ATP2B1: variants seen among roughly 807,000 people sequenced by gnomAD.
ATP2B1 encodes the protein plasma membrane calcium-transporting ATPase 1.
In ATP2B1, 14 loss-of-function variants were observed where a neutral mutation model predicts 124.2. That is an observed-to-expected ratio of 0.11 (90% confidence interval 0.07 to 0.18). The LOEUF is 0.18. Ranked by LOEUF, ATP2B1 falls within the 10% of genes least tolerant of loss-of-function variation. The pLI is 1.00. For synonymous variants in ATP2B1, 449 were observed against 492.4 expected (o/e 0.91, Z 1.17); for missense variants, 763 against 1,466.1 (o/e 0.52, Z 7.83).
intron 1 of ATP2B1, among the ~76,000 whole-genome samples, chr12:89,661,780 C>T (rs937463268): frequency 6.6e-6 from 1 of 152,080 alleles, no homozygotes; most frequent in Non-Finnish European, 1.5e-5. Context: ...AACACAAAAT[C>T]AATTCCACTT....
intron 8 of ATP2B1, among the ~76,000 whole-genome samples, chr12:89,626,180 T>G (rs1880845533): frequency 6.6e-6 from 1 of 152,230 alleles, no homozygotes; most frequent in Non-Finnish European, 1.5e-5. Flanking sequence ...CAGGTTGCCT[T>G]TTCTCCACTT....
intron 3 of ATP2B1, among the ~76,000 whole-genome samples, chr12:89,636,590 T>C (rs1406347667): frequency 6.6e-6 from 1 of 152,106 alleles, no homozygotes; most frequent in Admixed American, 6.5e-5. Flanking sequence ...TAAATGACAC[T>C]AGAAATGACT....
chr12:89,695,089 T>C (rs1593000361), intron 1 of ATP2B1, among the ~76,000 whole-genome samples: 2 of 147,604 alleles, frequency 1.4e-5, no homozygotes, highest in Admixed American at 6.7e-5. Flanking sequence ...ATTATAAGAA[T>C]AGGATACAAT....
intron 3 of ATP2B1, among the ~76,000 whole-genome samples, chr12:89,638,950 T>C (rs1041035274): frequency 6.6e-6 from 1 of 152,174 alleles, no homozygotes; most frequent in African/African-American, 2.4e-5. Flanking sequence ...GAGTCCTCAA[T>C]ACTTGAAGAG....
At chr12:89,708,011 G>C (rs1423377369) in intron 1 of ATP2B1, among the ~76,000 whole-genome samples, 1 of 152,188 alleles carries the variant, frequency 6.6e-6, no homozygotes, top group African/African-American at 2.4e-5. Context: ...CGGAAGGCGT[G>C]AGGAGAAAGA....
At chr12:89,604,446 C>T (rs1876446102) in intron 15 of ATP2B1, 100 bp from the exon 16 acceptor site, 1 of 831,410 alleles carries the variant, frequency 1.2e-6, no homozygotes, top group African/African-American at 1.8e-5. Flanking sequence ...TACCATTATA[C>T]CTAATAAATA....
intron 1 of ATP2B1, among the ~76,000 whole-genome samples, chr12:89,677,240 G>C (rs1888727159): frequency 6.6e-6 from 1 of 152,104 alleles, no homozygotes; most frequent in Non-Finnish European, 1.5e-5. Context: ...CTAGGGCCCA[G>C]CTTTTGAGAT....
At chr12:89,698,404 T>C (rs749635318) in intron 1 of ATP2B1, among the ~76,000 whole-genome samples, 1 of 152,124 alleles carries the variant, frequency 6.6e-6, no homozygotes, top group Non-Finnish European at 1.5e-5. Context: ...TATGATTCCA[T>C]GTACATAAAA....
At chr12:89,636,781 T>A (rs1405834407) in intron 3 of ATP2B1, among the ~76,000 whole-genome samples, 1 of 152,164 alleles carries the variant, frequency 6.6e-6, no homozygotes, top group Non-Finnish European at 1.5e-5. Context: ...AGGATTCAAC[T>A]GTGAGGTACA....
intron 1 of ATP2B1, among the ~76,000 whole-genome samples, chr12:89,673,838 C>T (rs1888285479): frequency 6.6e-6 from 1 of 152,132 alleles, no homozygotes; most frequent in Non-Finnish European, 1.5e-5. Flanking sequence ...CAGGGGGTGT[C>T]ACAGCTAGCA....
At chr12:89,650,097 C>G (rs192828630) in intron 2 of ATP2B1, among the ~76,000 whole-genome samples, 118 of 152,196 alleles carry the variant, frequency 7.8e-4, no homozygotes, top group African/African-American at 2.7e-3. Context: ...TATAAATTAC[C>G]CTGCCTCAGG....
In ATP2B1 at chr12:89,603,025, T is replaced by A; in HGVS notation, c.3060+18A>T. On this transcript the variant is annotated intron_variant, in intron 18 of 20. Transcript: ENST00000428670. The surrounding 1 kb of genome is among the most constrained non-coding windows in gnomAD (Gnocchi z 4.3). ...CATTTAACAGGCAAATTTGAAACTA[T>A]CTTTTCCAATTACCCACCTGTACCA... 6.2e-7 allele frequency: 1 copy of A among 1,608,174 alleles called. No homozygotes were observed. The highest frequency in any genetic ancestry group is 8.5e-7 in the Non-Finnish European group (1 of 1,175,906).
At chr12:89,626,710 A>G in intron 7 of ATP2B1, 95 bp from the exon 8 acceptor site, 1 of 1,400,628 alleles carries the variant, frequency 7.1e-7, no homozygotes, top group East Asian at 2.4e-5. Context: ...TTCTTACAGA[A>G]ACCAGTAAAG....
intron 1 of ATP2B1, among the ~76,000 whole-genome samples, chr12:89,668,137 C>G (rs1887530176): frequency 6.6e-6 from 1 of 152,076 alleles, no homozygotes; most frequent in African/African-American, 2.4e-5. Context: ...AAGAAGGCAA[C>G]ACAGAAAAAA....
At chr12:89,676,837 A>C (rs1888667909) in intron 1 of ATP2B1, among the ~76,000 whole-genome samples, 1 of 152,170 alleles carries the variant, frequency 6.6e-6, no homozygotes, top group Admixed American at 6.5e-5. Context: ...CTCATTGTTA[A>C]AAGAATAATT....
chr12:89,632,912 C>T (rs980894354), intron 5 of ATP2B1, among the ~76,000 whole-genome samples: 1 of 152,068 alleles, frequency 6.6e-6, no homozygotes, highest in Non-Finnish European at 1.5e-5. Context: ...TCTGTTAAAA[C>T]AGAAAGGACC....
In ATP2B1 at chr12:89,588,428, G is replaced by A. The variant is rs1873002428; in HGVS notation, c.*2556C>T. On this transcript the variant is annotated 3_prime_UTR_variant, in exon 21 of 21. Transcript: ENST00000428670. ...AAAGGATTTTTAAAAAATATACAAA[G>A]ATTAAAAACATTTGGGATGCAAAAT... 6.6e-6 allele frequency: 1 copy of A among 152,470 alleles called. No homozygotes were observed. Among genetic ancestry groups the A allele is most frequent in the Non-Finnish European group, 1.5e-5 (1 of 67,976 alleles). 9.4% of individuals were successfully genotyped at this position (152,470 alleles called of 1,614,324 possible).
intron 1 of ATP2B1, 38 bp from the exon 2 acceptor site, chr12:89,656,145 T>C (rs1885926683): frequency 2.3e-6 from 1 of 428,234 alleles, no homozygotes; most frequent in South Asian, 8.5e-5. Flanking sequence ...ATAAAATCTA[T>C]CTTAAGAGTA....
intron 1 of ATP2B1, among the ~76,000 whole-genome samples, chr12:89,701,557 C>T (rs1891855371): frequency 6.6e-6 from 1 of 152,036 alleles, no homozygotes; most frequent in South Asian, 2.1e-4. Context: ...ACCTTTTTAC[C>T]TTTGGAATTT....
Sources: allele counts gnomAD v4.1 joint callset (sites outside exome capture counted in the v4.1 genomes callset), GRCh38; gene constraint gnomAD v4.1.1; non-coding constraint Gnocchi (gnomAD v3.1); transcripts MANE v1.5; gene names NCBI Gene and HGNC (gene_info 2026-07-23, HGNC 2026-07-21).